The following CHIC2 variants were observed in gnomAD, a reference collection of about 807,000 sequenced individuals.
CHIC2 encodes cysteine-rich hydrophobic domain-containing protein 2.
CHIC2 carries 14 observed loss-of-function variants against 25.9 expected under a neutral mutation model. That is an observed-to-expected ratio of 0.54 (90% CI 0.36 to 0.85). CHIC2 has a LOEUF of 0.85. Ranked by LOEUF, CHIC2 falls within the 40% of genes least tolerant of loss-of-function variation. CHIC2 has a pLI of 0.01. For missense variants in CHIC2, 146 were observed against 202.0 expected (o/e 0.72, Z 1.68); for synonymous variants, 70 against 72.0 (o/e 0.97, Z 0.14).
At chr4:54,068,380 C>T (rs1280239415), upstream of CHIC2, among the ~76,000 whole-genome samples, 1 of 152,156 alleles carries the variant, frequency 6.6e-6, no homozygotes, top group East Asian at 1.9e-4. Flanking sequence ...TTTGCCCCTT[C>T]CACTATCTTA....
the CHIC2 span, among the ~76,000 whole-genome samples, chr4:54,072,991 C>T: frequency 6.6e-6 from 1 of 152,064 alleles, no homozygotes; most frequent in Non-Finnish European, 1.5e-5. Flanking sequence ...TGGCATGAAC[C>T]CAGGAGGCCG....
intron 3 of CHIC2, among the ~76,000 whole-genome samples, chr4:54,026,412 T>A (rs193017450): frequency 1.4e-4 from 22 of 152,126 alleles, no homozygotes; most frequent in African/African-American, 5.1e-4. Context: ...CCCAGCTACT[T>A]GGGAGACTGA....
chr4:54,048,597 T>A (rs931971056), intron 3 of CHIC2, among the ~76,000 whole-genome samples: 3 of 152,122 alleles, frequency 2.0e-5, no homozygotes, highest in Non-Finnish European at 4.4e-5. Flanking sequence ...CATTTTACAG[T>A]TGTGTCAAGT....
At chr4:54,026,669 C>CCT (rs1716070160) in intron 3 of CHIC2, among the ~76,000 whole-genome samples, 1 of 152,164 alleles carries the variant, frequency 6.6e-6, no homozygotes, top group South Asian at 2.1e-4. Context: ...TCTTTATACA[C>CCT]CTCCTCCTCT....
chr4:54,091,417 G>A, the CHIC2 span, among the ~76,000 whole-genome samples: 1 of 151,844 alleles, frequency 6.6e-6, no homozygotes, highest in Non-Finnish European at 1.5e-5. Flanking sequence ...CTCTACGCAC[G>A]TTCTCACACT....
Position 54,041,361 on chromosome 4 carries a change from C to T in CHIC2, c.330+7594G>A, listed in dbSNP as rs145313107. ...GGCTGGCAATTTTTTATACTCATGC[C>T]TCTCGATCGAGGGTTCTTAACATAC... On this transcript the variant is annotated intron_variant, in intron 3 of 5. Coordinates refer to ENST00000263921, the MANE Select transcript of CHIC2 (RefSeq NM_012110.4). 2.3e-3 allele frequency among the ~76,000 whole-genome samples: 356 copies of T among 152,134 alleles called. 1 individual carries two copies. The highest frequency in any genetic ancestry group is 8.0e-3 in the African/African-American group (330 of 41,508).
intron 3 of CHIC2, among the ~76,000 whole-genome samples, chr4:54,045,228 G>A (rs539150311): frequency 1.3e-5 from 2 of 152,236 alleles, no homozygotes; most frequent in East Asian, 3.9e-4. Flanking sequence ...GTACAAGGAG[G>A]AACTGGTACC....
At chr4:54,041,697 ATT>A (rs1470806530) in intron 3 of CHIC2, among the ~76,000 whole-genome samples, 1 of 152,170 alleles carries the variant, frequency 6.6e-6, no homozygotes, top group Non-Finnish European at 1.5e-5. Context: ...TAATCCATGT[ATT>A]TTTACCTTAT....
intron 3 of CHIC2, among the ~76,000 whole-genome samples, chr4:54,038,071 A>G (rs890604964): frequency 2.6e-5 from 4 of 152,166 alleles, no homozygotes; most frequent in Admixed American, 2.6e-4. Context: ...CAGAAAATCA[A>G]GAATAAAGCA....
intron 1 of CHIC2, among the ~76,000 whole-genome samples, chr4:54,057,900 T>C (rs1337456872): frequency 6.6e-6 from 1 of 152,176 alleles, no homozygotes; most frequent in East Asian, 1.9e-4. Context: ...GTTGGTTGTT[T>C]TGCTTCCAAG....
chr4:54,064,099 A>T lies in CHIC2; in HGVS notation c.119+83T>A. 8.7e-7 allele frequency: 1 copy of T among 1,150,834 alleles called. No individual in the cohort carries two copies. 71.3% of individuals were successfully genotyped at this position (1,150,834 alleles called of 1,614,324 possible). ...TCGGAAGGCCCCCGACACCAGACGG[A>T]CACAGGGGAAACGGGGCTCCCGTGG... On this transcript the variant is annotated intron_variant, in intron 1 of 5. Coordinates refer to ENST00000263921, the MANE Select transcript of CHIC2 (RefSeq NM_012110.4). This position sits in a 1 kb window ranked among gnomAD's most constrained non-coding sequence, Gnocchi z 4.2.
At chr4:54,063,436 A>G (rs988291675) in intron 1 of CHIC2, among the ~76,000 whole-genome samples, 24 of 152,212 alleles carry the variant, frequency 1.6e-4, no homozygotes, top group Non-Finnish European at 3.4e-4. Flanking sequence ...GAAAGCTTTC[A>G]TTCCTTATTA....
intron 3 of CHIC2, among the ~76,000 whole-genome samples, chr4:54,043,529 C>T (rs1716660832): frequency 6.6e-6 from 1 of 151,856 alleles, no homozygotes; most frequent in Non-Finnish European, 1.5e-5. Context: ...ATTTTCAACC[C>T]ACAATTTCAT....
chr4:54,073,108 T>C, the CHIC2 span, among the ~76,000 whole-genome samples: 2 of 152,220 alleles, frequency 1.3e-5, no homozygotes, highest in Non-Finnish European at 2.9e-5. Flanking sequence ...CTTTTTTGTT[T>C]GTGAGCTAAA....
intron 1 of CHIC2, among the ~76,000 whole-genome samples, chr4:54,056,969 T>C (rs1577987300): frequency 6.6e-6 from 1 of 152,196 alleles, no homozygotes; most frequent in African/African-American, 2.4e-5. Context: ...TCTCTTGGCA[T>C]ACTAGCTGCC....
intron 3 of CHIC2, among the ~76,000 whole-genome samples, chr4:54,019,604 G>A (rs1349921964): frequency 6.6e-6 from 1 of 152,052 alleles, no homozygotes; most frequent in Non-Finnish European, 1.5e-5. Flanking sequence ...TTCTCTCTCT[G>A]CAGAAAAAAA....
intron 3 of CHIC2, among the ~76,000 whole-genome samples, chr4:54,019,943 G>A (rs1715849006): frequency 6.6e-6 from 1 of 151,878 alleles, no homozygotes; most frequent in African/African-American, 2.4e-5. Flanking sequence ...AATAAATATA[G>A]TTTCAACTGA....
At chr4:54,048,698 T>C (rs2049170) in intron 3 of CHIC2, 222,145 of 252,678 alleles carry the variant, frequency 0.88, 97,877 homozygotes, top group Non-Finnish European at 0.9. Flanking sequence ...ACCACACCAC[T>C]GTCAATGTAC....
At chr4:54,090,701 G>T in the CHIC2 span, among the ~76,000 whole-genome samples, 1 of 152,128 alleles carries the variant, frequency 6.6e-6, no homozygotes, top group African/African-American at 2.4e-5. Flanking sequence ...TGAGAAGAGG[G>T]TCATTATTAT....
Sources: allele counts gnomAD v4.1 joint callset (sites outside exome capture counted in the v4.1 genomes callset), GRCh38; gene constraint gnomAD v4.1.1; non-coding constraint Gnocchi (gnomAD v3.1); transcripts MANE v1.5; gene names NCBI Gene and HGNC (gene_info 2026-07-23, HGNC 2026-07-21).